CYTH3: variants seen among roughly 807,000 people sequenced by gnomAD.
The protein encoded by CYTH3 is cytohesin-3.
Under a neutral mutation model 55.1 loss-of-function variants are expected in CYTH3, and 23 were observed. The ratio of observed to expected loss-of-function variants is 0.42; its 90% CI spans 0.30 to 0.59. The LOEUF (loss-of-function observed/expected upper bound fraction) is 0.59, where lower values mean the gene tolerates loss of function less well. Among genes scored for constraint, CYTH3 ranks in the 20% least tolerant of loss-of-function variants. CYTH3 has a pLI of 0.20. For missense variants in CYTH3, 413 were observed against 524.8 expected (o/e 0.79, Z 2.08); for synonymous variants, 249 against 194.9 (o/e 1.28, Z -2.31).
In CYTH3 at chr7:6,220,783, C is replaced by T. The variant is rs924050383; in HGVS notation, c.35-30252G>A. On this transcript the variant is annotated intron_variant, in intron 1 of 12. Coordinates refer to ENST00000350796, the MANE Select transcript of CYTH3 (RefSeq NM_004227.4). ...GGCCGAGGCAGGTGGAATGCCTGAG[C>T]TCAGGAGTTCGAGACCAGCCTGGGC... Among the ~76,000 whole-genome samples, 3 of 152,132 alleles carry T rather than the reference C, an allele frequency of 2.0e-5. No individual in the cohort carries two copies. The East Asian group carries it at 5.8e-4, about 30-fold the overall frequency.
At chr7:6,270,249 AAAAT>A (rs1780616159) in intron 1 of CYTH3, among the ~76,000 whole-genome samples, 1 of 152,248 alleles carries the variant, frequency 6.6e-6, no homozygotes, top group Non-Finnish European at 1.5e-5. Context: ...ACCTGTTTCA[AAAAT>A]AAATATCCTA....
chr7:6,197,759 C>CT (rs1475545775), intron 1 of CYTH3, among the ~76,000 whole-genome samples: 1 of 152,066 alleles, frequency 6.6e-6, no homozygotes, highest in Non-Finnish European at 1.5e-5. Flanking sequence ...ATTTTACAGT[C>CT]TAAGAGTTTG....
intron 1 of CYTH3, among the ~76,000 whole-genome samples, chr7:6,204,205 C>T (rs1029086876): frequency 3.3e-5 from 5 of 152,092 alleles, no homozygotes; most frequent in African/African-American, 7.2e-5. Flanking sequence ...TTGATACAGA[C>T]AAACTCAGTG....
intron 4 of CYTH3, among the ~76,000 whole-genome samples, chr7:6,179,864 ACACC>A (rs1375743688): frequency 1.8e-4 from 21 of 118,476 alleles, no homozygotes; most frequent in Non-Finnish European, 3.2e-4. Flanking sequence ...CACACCACAC[ACACC>A]CACACACACC....
intron 1 of CYTH3, among the ~76,000 whole-genome samples, chr7:6,260,392 G>A (rs867908543): frequency 5.9e-5 from 9 of 152,264 alleles, no homozygotes; most frequent in South Asian, 2.1e-4. Context: ...TCCTTGAGAA[G>A]TATTTCACTG....
intron 5 of CYTH3, among the ~76,000 whole-genome samples, chr7:6,175,069 C>CAGTA (rs1783308858): frequency 6.6e-6 from 1 of 152,162 alleles, no homozygotes; most frequent in Non-Finnish European, 1.5e-5. Context: ...TCCTTATAAT[C>CAGTA]TGCTAAGGAC....
intron 9 of CYTH3, 66 bp from the exon 10 acceptor site, chr7:6,165,876 G>T: frequency 6.6e-7 from 1 of 1,507,040 alleles, no homozygotes; most frequent in Non-Finnish European, 9.2e-7. Flanking sequence ...CCAAGAGGGG[G>T]CCCTGGACCT....
chr7:6,271,356 C>T (rs71531373), intron 1 of CYTH3, among the ~76,000 whole-genome samples: 7,387 of 152,252 alleles, frequency 0.049, 271 homozygotes, highest in Non-Finnish European at 0.073. Context: ...CTGAAGCATT[C>T]AATACTGCTG....
chr7:6,272,109 G>A (rs998647839), intron 1 of CYTH3, among the ~76,000 whole-genome samples: 6 of 152,180 alleles, frequency 3.9e-5, no homozygotes, highest in Non-Finnish European at 7.4e-5. Context: ...GGGCTCCGGA[G>A]GGCATGAACG....
chr7:6,221,442 G>T (rs567247141), intron 1 of CYTH3, among the ~76,000 whole-genome samples: 3 of 152,222 alleles, frequency 2.0e-5, no homozygotes, highest in Non-Finnish European at 4.4e-5. Context: ...AACTGGGGTA[G>T]TAGGAGGGAG....
intron 1 of CYTH3, among the ~76,000 whole-genome samples, chr7:6,201,498 T>G (rs977337706): frequency 6.6e-6 from 1 of 152,198 alleles, no homozygotes; most frequent in African/African-American, 2.4e-5. Flanking sequence ...AGACACAAAC[T>G]GGAGTTGGCC....
intron 1 of CYTH3, among the ~76,000 whole-genome samples, chr7:6,259,789 A>ATATAT (rs1780271011): frequency 6.3e-5 from 1 of 15,994 alleles, no homozygotes; most frequent in African/African-American, 9.7e-4. Flanking sequence ...TATATAATAT[A>ATATAT]TATATATATA....
intron 1 of CYTH3, among the ~76,000 whole-genome samples, chr7:6,245,978 G>A (rs377257887): frequency 6.6e-6 from 1 of 151,970 alleles, no homozygotes; most frequent in African/African-American, 2.4e-5. Context: ...TTCACAAAAT[G>A]GATTATCTCC....
chr7:6,254,623 T>A (rs1317856855), intron 1 of CYTH3, among the ~76,000 whole-genome samples: 1 of 152,214 alleles, frequency 6.6e-6, no homozygotes, highest in Non-Finnish European at 1.5e-5. Flanking sequence ...TAATTTTTTG[T>A]ATTTTTAGTA....
intron 1 of CYTH3, among the ~76,000 whole-genome samples, chr7:6,234,906 AGAAG>A (rs1475158247): frequency 2.0e-5 from 3 of 152,172 alleles, no homozygotes; most frequent in African/African-American, 7.2e-5. Flanking sequence ...AAGTTGGTAA[AGAAG>A]GTCATTCAGT....
At chr7:6,194,904 G>C (rs1283042249) in intron 1 of CYTH3, among the ~76,000 whole-genome samples, 1 of 152,114 alleles carries the variant, frequency 6.6e-6, no homozygotes, top group Admixed American at 6.6e-5. Flanking sequence ...GAACCCAGGA[G>C]GTGGAAGTTG....
At chr7:6,259,772 T>TAATATATATATATATATATAA in intron 1 of CYTH3, among the ~76,000 whole-genome samples, 3 of 30,502 alleles carry the variant, frequency 9.8e-5, no homozygotes, top group South Asian at 2.1e-3. Flanking sequence ...TATATATATA[T>TAATATATATATATATATATAA]TATATATATA....
chr7:6,213,804 G>T (rs1784371844), intron 1 of CYTH3, among the ~76,000 whole-genome samples: 1 of 151,934 alleles, frequency 6.6e-6, no homozygotes, highest in Admixed American at 6.6e-5. Flanking sequence ...AGCAAGGCAG[G>T]AACCCATCAC....
chr7:6,234,274 C>G (rs572643019), intron 1 of CYTH3, among the ~76,000 whole-genome samples: 36 of 152,222 alleles, frequency 2.4e-4, no homozygotes, highest in African/African-American at 8.2e-4. Context: ...TCTTAGTTAT[C>G]CAAAGATCAG....
Sources: gnomAD v4.1 joint callset for allele counts (sites outside exome capture counted in the v4.1 genomes callset) on GRCh38, gnomAD v4.1.1 for gene constraint, MANE v1.5 for transcripts, NCBI Gene and HGNC (gene_info 2026-07-23, HGNC 2026-07-21) for gene names.